Variants in MBD3L1 observed in about 807,000 individuals in gnomAD.
MBD3L1 encodes the protein methyl-CpG binding domain protein 3 like 1.
For synonymous variants in MBD3L1, 84 were observed against 85.1 expected (o/e 0.99, Z 0.07); for missense variants, 203 against 230.1 (o/e 0.88, Z 0.76).
chr19:8,833,484 T>G (rs529532949), intron 1 of MBD3L1: 1 of 152,358 alleles, frequency 6.6e-6, no homozygotes, highest in South Asian at 2.1e-4. Flanking sequence ...TGTATGTGTG[T>G]GTATGTGTGT....
chr19:8,842,549 C>G, intron 2 of MBD3L1, 109 bp from the exon 3 acceptor site: 1 of 775,638 alleles, frequency 1.3e-6, no homozygotes, highest in Non-Finnish European at 2.0e-6. Flanking sequence ...TCAGACCTAT[C>G]CCCAGAGGGA....
At chr19:8,841,817 AAAGTGCTGGGATTACAGATGT>A (rs2044515783) in intron 2 of MBD3L1, among the ~76,000 whole-genome samples, 1 of 151,988 alleles carries the variant, frequency 6.6e-6, no homozygotes. Flanking sequence ...TTGGCCTCCC[AAAGTGCTGGGATTACAGATGT>A]AAGCCACTGT....
intron 1 of MBD3L1, among the ~76,000 whole-genome samples, chr19:8,838,252 CA>C (rs542318207): frequency 0.023 from 271 of 11,744 alleles, no homozygotes; most frequent in African/African-American, 0.059. Context: ...GACTCCATCT[CA>C]AAAAAAAAAA....
chr19:8,835,177 A>G (rs948226815), intron 1 of MBD3L1, among the ~76,000 whole-genome samples: 2 of 151,550 alleles, frequency 1.3e-5, no homozygotes, highest in Admixed American at 1.3e-4. Context: ...TCAGCCTCCC[A>G]AGTAGCTGGG....
chr19:8,839,751 G>A (rs2044491766), intron 1 of MBD3L1, among the ~76,000 whole-genome samples: 1 of 152,270 alleles, frequency 6.6e-6, no homozygotes, highest in South Asian at 2.1e-4. Context: ...AGATGTAGAT[G>A]ATCTTTTCTC....
intron 1 of MBD3L1, among the ~76,000 whole-genome samples, chr19:8,835,377 C>A (rs79577669): frequency 6.6e-6 from 1 of 151,988 alleles, no homozygotes; most frequent in Non-Finnish European, 1.5e-5. Flanking sequence ...GAGTTCGAAT[C>A]GTCATTTCTA....
intron 1 of MBD3L1, among the ~76,000 whole-genome samples, chr19:8,838,482 A>G (rs1442680610): frequency 6.6e-6 from 1 of 152,062 alleles, no homozygotes; most frequent in Non-Finnish European, 1.5e-5. Context: ...GCAAACAACC[A>G]AGCATGCACA....
At position 8,832,474 on chromosome 19, in the gene MBD3L1, T is replaced by A. The variant is rs950319205; in HGVS notation, c.-155T>A. 6 of 152,582 alleles carry A rather than the reference T, an allele frequency of 3.9e-5. No individual in the cohort carries two copies. Among genetic ancestry groups the A allele is most frequent in the African/African-American group, 1.4e-4 (6 of 41,430 alleles). 9.5% of individuals were successfully genotyped at this position (152,582 alleles called of 1,614,324 possible). On this transcript the variant is annotated 5_prime_UTR_variant, in exon 1 of 3. Transcript: ENST00000595891. ...CCAGCCTTGGGCAGAGGTGTTCTAG[T>A]TTGCTTAGTGGGCACAAAGTTGGGC...
chr19:8,835,995 G>A lies in MBD3L1; in HGVS notation c.-107+3473G>A, dbSNP rs764569974. On this transcript the variant is annotated intron_variant, in intron 1 of 2. Coordinates refer to ENST00000595891, the MANE Select transcript of MBD3L1 (RefSeq NM_001393532.1). Reference sequence around the variant, plus strand: ...AAGAGACAATAGATTAGTGGCAAATGTTGGGGAAAAGGGAAATGAGGGGAA... The same window carrying A: ...AAGAGACAATAGATTAGTGGCAAATATTGGGGAAAAGGGAAATGAGGGGAA... 9.9e-5 allele frequency among the ~76,000 whole-genome samples: 15 copies of A among 152,280 alleles called. No individual in the cohort carries two copies. The Middle Eastern group carries it at 0.014, about 138-fold the overall frequency.
At chr19:8,838,278 A>AAAAAAAAAAAAAAAAAAC in intron 1 of MBD3L1, among the ~76,000 whole-genome samples, 3 of 147,540 alleles carry the variant, frequency 2.0e-5, no homozygotes, top group Non-Finnish European at 3.0e-5. Flanking sequence ...AAAAAAAAAA[A>AAAAAAAAAAAAAAAAAAC]AAAAAGATCA....
At chr19:8,833,110 G>T (rs1190926542) in intron 1 of MBD3L1, 1 of 152,476 alleles carries the variant, frequency 6.6e-6, no homozygotes, top group Admixed American at 6.5e-5. Context: ...TGAATAAAAG[G>T]GTGTATGATG....
chr19:8,836,795 A>T (rs1287751484), intron 1 of MBD3L1, among the ~76,000 whole-genome samples: 1 of 152,230 alleles, frequency 6.6e-6, no homozygotes, highest in African/African-American at 2.4e-5. Flanking sequence ...ATCCAGCTTA[A>T]GTGTATCTTA....
chr19:8,842,095 A>AG (rs202207130), intron 2 of MBD3L1, among the ~76,000 whole-genome samples: 10 of 151,800 alleles, frequency 6.6e-5, no homozygotes, highest in Non-Finnish European at 8.8e-5. Context: ...TGGGAGGTCG[A>AG]GGGGGGGTGG....
chr19:8,842,869 A>G lies in MBD3L1; in HGVS notation c.191A>G (p.Gln64Arg). 1.2e-6 allele frequency: 2 copies of G among 1,614,254 alleles called. No homozygotes were observed. The highest frequency in any genetic ancestry group is 1.1e-5 in the South Asian group (1 of 91,084). The change falls in exon 3 of 3, where the codon CAG (glutamine) becomes CGG (arginine). Residue 64 changes from glutamine (Q) to arginine (R), a missense_variant. Physicochemically the swap from Gln to Arg is conservative, Grantham distance 43. Transcript: ENST00000595891. The stretch of plus-strand genomic sequence containing the variant: ...GAGGAGAGCTTGGAGAAGCCTCAGC[A>G]GGTCTGCTGGCAGAGGAGACTGCAG... Reference protein sequence around the residue: ...QWEESLEKPQQVCWQRRLQGL... With the variant: ...QWEESLEKPQRVCWQRRLQGL...
chr19:8,836,447 C>G (rs1213563749), intron 1 of MBD3L1, among the ~76,000 whole-genome samples: 1 of 150,784 alleles, frequency 6.6e-6, no homozygotes, highest in Non-Finnish European at 1.5e-5. Flanking sequence ...TCCTTCTTCT[C>G]TTCCTTTTCC....
intron 1 of MBD3L1, among the ~76,000 whole-genome samples, chr19:8,834,305 C>T (rs1466147909): frequency 1.3e-5 from 2 of 152,002 alleles, no homozygotes. Flanking sequence ...AACTAGATGC[C>T]AATATACAAA....
chr19:8,836,676 G>T (rs1359532294), intron 1 of MBD3L1, among the ~76,000 whole-genome samples: 2 of 152,056 alleles, frequency 1.3e-5, no homozygotes, highest in African/African-American at 4.8e-5. Flanking sequence ...ATTTTTTATA[G>T]AGACAGGGAC....
chr19:8,834,005 A>C (rs2044423375), intron 1 of MBD3L1, among the ~76,000 whole-genome samples: 1 of 148,852 alleles, frequency 6.7e-6, no homozygotes, highest in African/African-American at 2.4e-5. Flanking sequence ...AAAACAAAAC[A>C]AAAACCAAAA....
chr19:8,840,562 A>G (rs1849147235), intron 1 of MBD3L1, among the ~76,000 whole-genome samples: 1 of 152,078 alleles, frequency 6.6e-6, no homozygotes, highest in African/African-American at 2.4e-5. Context: ...GCCTCAGCCT[A>G]CCAAAGTGCT....
Sources: gnomAD v4.1 joint callset for allele counts (sites outside exome capture counted in the v4.1 genomes callset) on GRCh38, gnomAD v4.1.1 for gene constraint, MANE v1.5 for transcripts, NCBI Gene and HGNC (gene_info 2026-07-23, HGNC 2026-07-21) for gene names.